Variants in CDIN1 observed in about 807,000 individuals in gnomAD.
The protein encoded by CDIN1 is CDAN1 interacting nuclease 1, also known as CDAN1-interacting nuclease 1.
A neutral mutation model predicts 45.3 loss-of-function variants in CDIN1; 33 were observed. The ratio of observed to expected loss-of-function variants is 0.73; its 90% CI spans 0.55 to 0.97. CDIN1 has a LOEUF of 0.97. CDIN1 is among the 50% of genes least tolerant of loss of function. The pLI, the probability that CDIN1 is intolerant of heterozygous loss-of-function variation, is 0.00. For synonymous variants in CDIN1, 118 were observed against 124.4 expected (o/e 0.95, Z 0.34); for missense variants, 303 against 339.4 (o/e 0.89, Z 0.84).
chr15:36,621,728 CA>C (rs1409171596), intron 1 of CDIN1, among the ~76,000 whole-genome samples: 2 of 151,478 alleles, frequency 1.3e-5, no homozygotes. Context: ...TCTGTAAAAA[CA>C]AAAAAAAATT....
At chr15:36,802,064 T>C (rs910133273) in intron 10 of CDIN1, among the ~76,000 whole-genome samples, 2 of 152,168 alleles carry the variant, frequency 1.3e-5, no homozygotes, top group African/African-American at 4.8e-5. Context: ...ATGACTGTTA[T>C]AGAATGCTAT....
chr15:36,603,519 G>T (rs1311159426), intron 1 of CDIN1, among the ~76,000 whole-genome samples: 2 of 152,120 alleles, frequency 1.3e-5, no homozygotes, highest in Non-Finnish European at 2.9e-5. Context: ...TTTTTCTGGT[G>T]GTAGTGATGG....
chr15:36,798,590 C>T (rs1241349729), intron 10 of CDIN1: 1 of 152,058 alleles, frequency 6.6e-6, no homozygotes, highest in Non-Finnish European at 1.5e-5. Flanking sequence ...TTGACTTTGC[C>T]GAGGATGAAA....
At chr15:36,769,023 G>A (rs1041070154) in intron 10 of CDIN1, among the ~76,000 whole-genome samples, 2 of 151,564 alleles carry the variant, frequency 1.3e-5, no homozygotes, top group African/African-American at 4.8e-5. Flanking sequence ...GGAGAGATAA[G>A]AGATTATATT....
At chr15:36,615,279 A>G (rs1204361634) in intron 1 of CDIN1, among the ~76,000 whole-genome samples, 2 of 152,052 alleles carry the variant, frequency 1.3e-5, no homozygotes, top group Admixed American at 6.6e-5. Flanking sequence ...TTCTTTCCCT[A>G]CCCAGTGCCC....
At chr15:36,765,511 T>TA (rs1472750256) in intron 10 of CDIN1, among the ~76,000 whole-genome samples, 4 of 152,166 alleles carry the variant, frequency 2.6e-5, no homozygotes, top group African/African-American at 9.7e-5. Context: ...GAGTTTACGT[T>TA]AAAAAAAGTA....
intron 7 of CDIN1, 50 bp from the exon 8 acceptor site, chr15:36,697,273 C>T (rs1370978789): frequency 6.5e-7 from 1 of 1,527,554 alleles, no homozygotes; most frequent in Non-Finnish European, 9.1e-7. Flanking sequence ...TTAGCGTTTT[C>T]CTGCTGGTAT....
chr15:36,697,494 C>A, intron 8 of CDIN1, 104 bp downstream of exon 8: 1 of 912,330 alleles, frequency 1.1e-6, no homozygotes, highest in Non-Finnish European at 1.7e-6. Context: ...ATGATTGATG[C>A]TGTGCATATT....
At chr15:36,751,232 TATA>T (rs2053460590) in intron 10 of CDIN1, among the ~76,000 whole-genome samples, 1 of 60,150 alleles carries the variant, frequency 1.7e-5, no homozygotes, top group African/African-American at 6.7e-5. Context: ...GCTTATTTTA[TATA>T]TATATATATA....
chr15:36,783,083 TACA>T lies in CDIN1; in HGVS notation c.717-25237_717-25235del, dbSNP rs201639437. ...ATCTCTCCTCGGGTACTCAGAGTATTACAACATCAATGACCTGTCAGCAGCTGC... is the reference window on the plus strand; with the variant it reads ...ATCTCTCCTCGGGTACTCAGAGTATTACATCAATGACCTGTCAGCAGCTGC... On this transcript the variant is annotated intron_variant, in intron 10 of 10. Transcript: ENST00000566621. Among the ~76,000 whole-genome samples, 1,115 of 152,352 alleles carry T rather than the reference TACA, an allele frequency of 7.3e-3. 11 individuals are homozygous for T. Among genetic ancestry groups the T allele is most frequent in the African/African-American group, 0.025 (1,056 of 41,586 alleles).
chr15:36,647,694 AGC>A (rs1566864005), intron 3 of CDIN1: 3 of 152,208 alleles, frequency 2.0e-5, no homozygotes, highest in Non-Finnish European at 4.4e-5. Flanking sequence ...TTTGTTTTCC[AGC>A]AGATTAGAAT....
chr15:36,596,190 T>A (rs981458955), intron 1 of CDIN1, among the ~76,000 whole-genome samples: 1 of 584 alleles, frequency 1.7e-3, no homozygotes, highest in Non-Finnish European at 2.9e-3. Flanking sequence ...AAAAAGCTCA[T>A]TTTTTTTTTT....
chr15:36,686,929 A>C (rs1220744640), intron 5 of CDIN1, among the ~76,000 whole-genome samples: 6 of 145,672 alleles, frequency 4.1e-5, no homozygotes, highest in African/African-American at 1.5e-4. Context: ...GAAGGAAGAA[A>C]AGGAAGGAAG....
At chr15:36,760,034 T>C (rs2053716486) in intron 10 of CDIN1, among the ~76,000 whole-genome samples, 1 of 152,222 alleles carries the variant, frequency 6.6e-6, no homozygotes, top group Non-Finnish European at 1.5e-5. Context: ...CTGTATATAC[T>C]GTAGAGTACT....
chr15:36,810,056 CACACTT>C lies in CDIN1; in HGVS notation c.*1604_*1609del, dbSNP rs1025257275. The stretch of plus-strand genomic sequence containing the variant: ...CTGGATACACACACACACACACACA[CACACTT>C]TATACAAAAATGTTAAAAGCAGGTT... On this transcript the variant is annotated 3_prime_UTR_variant, in exon 11 of 11. Coordinates refer to ENST00000566621, the MANE Select transcript of CDIN1 (RefSeq NM_001321759.2). 2 of 152,014 alleles carry C rather than the reference CACACTT, an allele frequency of 1.3e-5. No individual in the cohort carries two copies. Among genetic ancestry groups the C allele is most frequent in the African/African-American group, 2.4e-5 (1 of 41,400 alleles). The allele number at this position is 152,014 out of a possible 1,614,324, so 9.4% of individuals were successfully genotyped here.
At chr15:36,716,064 A>G (rs943909223) in intron 10 of CDIN1, among the ~76,000 whole-genome samples, 3 of 152,188 alleles carry the variant, frequency 2.0e-5, no homozygotes, top group Admixed American at 6.6e-5. Flanking sequence ...ACAATTGTTG[A>G]GAAACTAGAA....
chr15:36,808,419 C>T lies in CDIN1; in HGVS notation c.812C>T (p.Thr271Met), dbSNP rs202017344. The T allele has an allele frequency of 6.1e-5, 98 of 1,613,458 alleles. No homozygotes were observed. The highest frequency in any genetic ancestry group is 3.3e-4 in the East Asian group (15 of 44,862). ...ATCCTGCTCAAAGCCTGTTTCCCCACGAACATTGTCACCTTATGCCACAGC... is the reference window on the plus strand; with the variant it reads ...ATCCTGCTCAAAGCCTGTTTCCCCATGAACATTGTCACCTTATGCCACAGC... ...RGILLKACFP[T>M]NIVTLCHSIA Residue 271 changes from threonine (T) to methionine (M), a missense_variant, in exon 11 of 11, where the codon ACG (threonine) becomes ATG (methionine). Coordinates refer to ENST00000566621, the MANE Select transcript of CDIN1 (RefSeq NM_001321759.2).
At chr15:36,665,242 T>C (rs2041203628) in intron 5 of CDIN1, among the ~76,000 whole-genome samples, 1 of 152,214 alleles carries the variant, frequency 6.6e-6, no homozygotes, top group South Asian at 2.1e-4. Context: ...GTGTGATAAA[T>C]ATTAACGGTA....
intron 10 of CDIN1, among the ~76,000 whole-genome samples, chr15:36,735,865 T>G (rs905594178): frequency 6.6e-6 from 1 of 152,208 alleles, no homozygotes; most frequent in Non-Finnish European, 1.5e-5. Context: ...GTAATAAACA[T>G]TTGCTAATCA....
Sources: gnomAD v4.1 joint callset for allele counts (sites outside exome capture counted in the v4.1 genomes callset) on GRCh38, gnomAD v4.1.1 for gene constraint, MANE v1.5 for transcripts, NCBI Gene and HGNC (gene_info 2026-07-23, HGNC 2026-07-21) for gene names.